Variants in MAGI2 observed in about 807,000 individuals in gnomAD.
MAGI2 encodes membrane associated guanylate kinase, WW and PDZ domain containing 2.
MAGI2 carries 35 observed loss-of-function variants against 133.3 expected under a neutral mutation model. The observed-to-expected ratio is 0.26, with a 90% CI of 0.20 to 0.35. The LOEUF (loss-of-function observed/expected upper bound fraction) is 0.35, where lower values mean the gene tolerates loss of function less well. Among genes scored for constraint, MAGI2 ranks in the 10% least tolerant of loss-of-function variants. The probability of loss-of-function intolerance (pLI) is 1.00; values close to 1 mark genes in which losing one functional copy is unlikely to be tolerated. For synonymous variants in MAGI2, 729 were observed against 710.6 expected, an observed-to-expected ratio of 1.03 and a Z score of -0.41; for missense variants, 1,636 against 1,863.4, an observed-to-expected ratio of 0.88 and a Z score of 2.25.
At position 78,291,667 on chromosome 7, in the gene MAGI2, G is replaced by A. The variant is rs576970053; in HGVS notation, c.1409-35086C>T. On this transcript the variant is annotated intron_variant, in intron 9 of 21. Coordinates refer to ENST00000354212, the MANE Select transcript of MAGI2 (RefSeq NM_012301.4). ...TAGACCAATATCCCTGATGAACATC[G>A]ATGCAAAAATCCTCAATAAAATACT... 2.6e-3 allele frequency among the ~76,000 whole-genome samples: 398 copies of A among 152,216 alleles called. 3 individuals carry two copies. Among genetic ancestry groups the A allele is most frequent in the African/African-American group, 8.9e-3 (369 of 41,528 alleles).
intron 9 of MAGI2, among the ~76,000 whole-genome samples, chr7:78,286,947 T>C (rs1018728941): frequency 6.6e-6 from 1 of 152,202 alleles, no homozygotes; most frequent in Admixed American, 6.6e-5. Flanking sequence ...AGAGTGAATG[T>C]AGCCGGATGG....
intron 1 of MAGI2, among the ~76,000 whole-genome samples, chr7:79,334,367 T>C (rs1054273509): frequency 6.6e-6 from 1 of 152,200 alleles, no homozygotes; most frequent in African/African-American, 2.4e-5. Context: ...TTGAGAAATA[T>C]CATTTTGAAT....
intron 2 of MAGI2, among the ~76,000 whole-genome samples, chr7:78,914,730 G>C (rs79893852): frequency 0.011 from 1,724 of 152,198 alleles, 26 homozygotes; most frequent in African/African-American, 0.04. Flanking sequence ...AAACAGAGAA[G>C]ACAGAGGAGT....
intron 1 of MAGI2, among the ~76,000 whole-genome samples, chr7:79,061,816 A>G (rs1813772947): frequency 6.6e-6 from 1 of 152,100 alleles, no homozygotes; most frequent in African/African-American, 2.4e-5. Flanking sequence ...TGACAAGTGA[A>G]GTCACAGATA....
chr7:78,405,540 C>T (rs1797293972), intron 6 of MAGI2, among the ~76,000 whole-genome samples: 1 of 152,054 alleles, frequency 6.6e-6, no homozygotes, highest in African/African-American at 2.4e-5. Flanking sequence ...AGCTTGTATA[C>T]TACATGTGTC....
intron 9 of MAGI2, among the ~76,000 whole-genome samples, chr7:78,257,124 G>A (rs1793070447): frequency 6.6e-6 from 1 of 151,836 alleles, no homozygotes; most frequent in African/African-American, 2.4e-5. Flanking sequence ...CCATGTATAT[G>A]CGAGCAAAGG....
intron 1 of MAGI2, among the ~76,000 whole-genome samples, chr7:79,378,972 T>TATATA (rs1563168440): frequency 2.3e-4 from 18 of 76,754 alleles, no homozygotes; most frequent in African/African-American, 8.8e-4. Context: ...ATATATATAT[T>TATATA]AAACTTTAAG....
At chr7:78,944,219 A>C (rs1273414238) in intron 2 of MAGI2, among the ~76,000 whole-genome samples, 1 of 152,142 alleles carries the variant, frequency 6.6e-6, no homozygotes, top group Admixed American at 6.6e-5. Flanking sequence ...TACTTTTATA[A>C]TGATCCCCCT....
chr7:79,136,021 GA>G (rs1821440101), intron 1 of MAGI2, among the ~76,000 whole-genome samples: 1 of 119,434 alleles, frequency 8.4e-6, no homozygotes, highest in Admixed American at 8.8e-5. Flanking sequence ...AAGAAAGAAA[GA>G]AAGAAGGAAA....
chr7:79,394,072 T>C (rs148640301), intron 1 of MAGI2, among the ~76,000 whole-genome samples: 2 of 152,270 alleles, frequency 1.3e-5, no homozygotes, highest in East Asian at 1.9e-4. Context: ...AGAGTTCTTC[T>C]AAGACTTGGA....
chr7:78,966,032 C>T (rs960554323), intron 2 of MAGI2, among the ~76,000 whole-genome samples: 8 of 151,980 alleles, frequency 5.3e-5, no homozygotes, highest in Non-Finnish European at 1.2e-4. Flanking sequence ...GTATAGTTTC[C>T]CCAGATGTTG....
At chr7:78,229,067 G>A (rs554115096) in intron 10 of MAGI2, among the ~76,000 whole-genome samples, 8 of 152,332 alleles carry the variant, frequency 5.3e-5, no homozygotes, top group African/African-American at 1.9e-4. Context: ...GAGTAGATTT[G>A]ATGGTTTCTG....
chr7:78,603,941 G>C (rs1489924351), intron 3 of MAGI2, among the ~76,000 whole-genome samples: 3 of 152,200 alleles, frequency 2.0e-5, no homozygotes, highest in African/African-American at 7.2e-5. Context: ...ACCAGAATTA[G>C]AATAATGGTC....
chr7:78,081,988 T>C (rs1816020641), intron 20 of MAGI2, among the ~76,000 whole-genome samples: 1 of 152,158 alleles, frequency 6.6e-6, no homozygotes, highest in South Asian at 2.1e-4. Context: ...ATGAGTGAAG[T>C]ACTTCCACAT....
chr7:78,108,517 G>A (rs1818922275), intron 20 of MAGI2, among the ~76,000 whole-genome samples: 1 of 152,198 alleles, frequency 6.6e-6, no homozygotes, highest in Non-Finnish European at 1.5e-5. Flanking sequence ...ATTAAGTTCA[G>A]TGTTTCTTTT....
rs557983927 is a variant in MAGI2, at chr7:79,189,270, C to A, written c.302-182064G>T. 4.1e-5 allele frequency among the ~76,000 whole-genome samples: 6 copies of A among 145,856 alleles called. No individual in the cohort carries two copies. In the South Asian group the frequency reaches 1.1e-3, roughly 26 times the overall value. ...TTTATTGTCTCCAAACCAAGACAATCCTAGGAGCCTCATTCCTGTTAATGT... is the reference window on the plus strand; with the variant it reads ...TTTATTGTCTCCAAACCAAGACAATACTAGGAGCCTCATTCCTGTTAATGT... On this transcript the variant is annotated intron_variant, in intron 1 of 21. Transcript: ENST00000354212.
intron 2 of MAGI2, among the ~76,000 whole-genome samples, chr7:78,684,693 G>A (rs899425738): frequency 1.3e-5 from 2 of 151,876 alleles, no homozygotes; most frequent in African/African-American, 4.8e-5. Context: ...GGAAATGTAT[G>A]AACAAGAGTC....
intron 2 of MAGI2, among the ~76,000 whole-genome samples, chr7:78,715,721 T>C (rs1819633531): frequency 6.6e-6 from 1 of 152,206 alleles, no homozygotes; most frequent in Non-Finnish European, 1.5e-5. Context: ...TCATGGTTAA[T>C]CTTTAGATAA....
intron 21 of MAGI2, among the ~76,000 whole-genome samples, chr7:78,035,585 C>A (rs1810126111): frequency 6.6e-6 from 1 of 152,106 alleles, no homozygotes; most frequent in Non-Finnish European, 1.5e-5. Context: ...GGGTTCATTC[C>A]CACTCTCCCG....
Sources: gnomAD v4.1 joint callset for allele counts (sites outside exome capture counted in the v4.1 genomes callset) on GRCh38, gnomAD v4.1.1 for gene constraint, MANE v1.5 for transcripts, NCBI Gene and HGNC (gene_info 2026-07-23, HGNC 2026-07-21) for gene names.